The following TSEN15 variants were observed in gnomAD, a reference collection of about 807,000 sequenced individuals.
TSEN15 encodes tRNA-splicing endonuclease subunit Sen15.
TSEN15 carries 10 observed loss-of-function variants against 20.5 expected under a neutral mutation model. That is an observed-to-expected ratio of 0.49 (90% CI 0.30 to 0.83). The LOEUF is 0.83. TSEN15 is among the 40% of genes least tolerant of loss of function. The pLI, the probability that TSEN15 is intolerant of heterozygous loss-of-function variation, is 0.06. For missense variants in TSEN15, 180 were observed against 218.6 expected, an observed-to-expected ratio of 0.82 and a Z score of 1.11; for synonymous variants, 72 against 80.1, an observed-to-expected ratio of 0.90 and a Z score of 0.54.
At position 184,054,407 on chromosome 1, in the gene TSEN15, G is replaced by C; in HGVS notation, c.189G>C (p.Ala63=). 6.2e-7 allele frequency: 1 copy of C among 1,610,302 alleles called. No individual in the cohort carries two copies. ...DIGDATQVYV[A]FLVYLDLMES... is the part of the protein sequence containing the mutation. ...GAGATGCCACCCAAGTTTATGTAGC[G>C]TTCTTGGTTTACCTGGACCTCATGG... The change falls in exon 2 of 5, where the codon GCG becomes GCC. Residue 63 remains alanine (A), a synonymous_variant. Transcript: ENST00000645668.
downstream of TSEN15, among the ~76,000 whole-genome samples, chr1:184,074,884 G>A (rs920834962): frequency 4.6e-5 from 7 of 152,006 alleles, no homozygotes; most frequent in Non-Finnish European, 8.8e-5. Context: ...AGGACATGAA[G>A]ATGGACCTAT....
rs1650969594 is a variant in TSEN15, at chr1:184,073,409, A to G, written c.*562A>G. ...TTGGTTAACTTTAAATCAAAACTCA[A>G]AATATGTTCATCCAGAGTGTGTCTT... On this transcript the variant is annotated 3_prime_UTR_variant, in exon 5 of 5. Transcript: ENST00000645668. 1 of 152,580 alleles carries G rather than the reference A, an allele frequency of 6.6e-6. No homozygotes were observed. Among genetic ancestry groups the G allele is most frequent in the African/African-American group, 2.4e-5 (1 of 41,442 alleles). 9.5% of individuals were successfully genotyped at this position (152,580 alleles called of 1,614,324 possible). A position where few individuals can be genotyped will look rare whatever the true frequency, so the allele number is the denominator to read the frequency against.
intron 1 of TSEN15, among the ~76,000 whole-genome samples, chr1:184,053,842 AC>A (rs1432513516): frequency 6.6e-6 from 1 of 152,242 alleles, no homozygotes; most frequent in African/African-American, 2.4e-5. Context: ...CTAGGGAAAT[AC>A]ACAGTACCCA....
rs148909772 is a variant in TSEN15, at chr1:184,064,665, C to T, written c.354-7492C>T. 3.1e-3 allele frequency among the ~76,000 whole-genome samples: 470 copies of T among 152,242 alleles called. 2 individuals are homozygous for T. Among genetic ancestry groups the T allele is most frequent in the African/African-American group, 7.4e-3 (306 of 41,548 alleles). ...AGTTAAATCAAGAGTTTTGCCACTACAAAATCTGTAGGAAATCCTGAAACA... is the reference window on the plus strand; with the variant it reads ...AGTTAAATCAAGAGTTTTGCCACTATAAAATCTGTAGGAAATCCTGAAACA... On this transcript the variant is annotated intron_variant, in intron 3 of 4. Coordinates refer to ENST00000645668, the MANE Select transcript of TSEN15 (RefSeq NM_052965.4).
At position 184,082,885 on chromosome 1, in the gene TSEN15, C is replaced by A. The variant is rs112351654; in HGVS notation, c.354-12805C>A. ...TTCCTGAGGCAGTGTGCCAAGAAAG[C>A]CTGTATGGGAAAAAGTTCACAGGGA... On this transcript the variant is annotated intron_variant, in intron 3 of 3. Transcript: ENST00000643231. 9.7e-3 allele frequency among the ~76,000 whole-genome samples: 1,478 copies of A among 152,044 alleles called. 15 individuals are homozygous for A. The highest frequency in any genetic ancestry group is 0.015 in the Non-Finnish European group (1,017 of 67,952).
At chr1:184,068,779 T>C (rs1235128791) in intron 3 of TSEN15, among the ~76,000 whole-genome samples, 1 of 152,208 alleles carries the variant, frequency 6.6e-6, no homozygotes, top group East Asian at 1.9e-4. Context: ...TTATGGCATG[T>C]CATTCCATTA....
chr1:184,064,895 A>T (rs1650590093), intron 3 of TSEN15, among the ~76,000 whole-genome samples: 9 of 152,102 alleles, frequency 5.9e-5, no homozygotes, highest in Admixed American at 5.9e-4. Flanking sequence ...CTCACTCCCT[A>T]AGCGGCCTTA....
chr1:184,064,089 C>A (rs1650560492), intron 3 of TSEN15, among the ~76,000 whole-genome samples: 1 of 151,856 alleles, frequency 6.6e-6, no homozygotes. Context: ...ACTTTGCCTA[C>A]AAGATGCTAA....
rs61739880 is a variant in TSEN15, at chr1:184,051,784, C to T, written c.29C>T (p.Thr10Ile). 3.4e-5 allele frequency: 52 copies of T among 1,516,198 alleles called. No homozygotes were observed. In the African/African-American group the frequency reaches 5.1e-4, roughly 15 times the overall value. The allele number at this position is 1,516,198 out of a possible 1,614,324, so 93.9% of individuals were successfully genotyped here. Reference sequence around the variant, plus strand: ...GAGGAGCGCGGCGATTCCGAGCCGACCCCCGGCTGCAGCGGCCTGGGTCCG... The same window carrying T: ...GAGGAGCGCGGCGATTCCGAGCCGATCCCCGGCTGCAGCGGCCTGGGTCCG... MEERGDSEP[T>I]PGCSGLGPGG... Residue 10 changes from threonine to isoleucine, a missense_variant, in exon 1 of 5, where the codon ACC becomes ATC. This residue lies in a region of TSEN15 where 76 missense variants were observed against 66.5 expected (regional missense o/e 1.14). Transcript: ENST00000645668.
chr1:184,095,037 A>G (rs986265333), intron 3 of TSEN15: 25 of 398,490 alleles, frequency 6.3e-5, no homozygotes, highest in Non-Finnish European at 2.7e-5. Flanking sequence ...CCAGATCAGG[A>G]CCTGGAAGGG....
At chr1:184,088,622 T>C (rs965619892) in intron 3 of TSEN15, among the ~76,000 whole-genome samples, 3 of 151,996 alleles carry the variant, frequency 2.0e-5, no homozygotes, top group African/African-American at 4.8e-5. Context: ...TTTCACCATA[T>C]TGACCAGGCT....
chr1:184,067,954 A>G (rs1018887436), intron 3 of TSEN15, among the ~76,000 whole-genome samples: 1 of 142,184 alleles, frequency 7.0e-6, no homozygotes, highest in Non-Finnish European at 1.5e-5. Context: ...ATATATATAT[A>G]TATATATATA....
downstream of TSEN15, among the ~76,000 whole-genome samples, chr1:184,077,310 T>C (rs1651082400): frequency 6.6e-6 from 1 of 152,156 alleles, no homozygotes; most frequent in Non-Finnish European, 1.5e-5. Context: ...CACATCTGTT[T>C]ACAGCATGGT....
intron 3 of TSEN15, among the ~76,000 whole-genome samples, chr1:184,087,128 A>G (rs925894194): frequency 6.6e-6 from 1 of 152,244 alleles, no homozygotes; most frequent in African/African-American, 2.4e-5. Flanking sequence ...GAAAACATCT[A>G]GAACATAATG....
At chr1:184,061,108 T>G (rs1650441078) in intron 3 of TSEN15, among the ~76,000 whole-genome samples, 1 of 152,198 alleles carries the variant, frequency 6.6e-6, no homozygotes, top group Non-Finnish European at 1.5e-5. Flanking sequence ...CTTTTGACTC[T>G]CACTCAAGAA....
chr1:184,068,008 C>T (rs571841295), intron 3 of TSEN15, among the ~76,000 whole-genome samples: 1 of 144,942 alleles, frequency 6.9e-6, no homozygotes, highest in Non-Finnish European at 1.5e-5. Context: ...CATCCACTTG[C>T]AGGATTTATC....
chr1:184,051,962 C>T, intron 1 of TSEN15, 72 bp downstream of exon 1: 3 of 1,326,896 alleles, frequency 2.3e-6, no homozygotes, highest in African/African-American at 1.5e-5. Flanking sequence ...AGGCAGCTCT[C>T]TTTCTTTCTT....
chr1:184,067,941 A>AAAAAATATATATATATATAT (rs1400681024), intron 3 of TSEN15, among the ~76,000 whole-genome samples: 1 of 95,602 alleles, frequency 1.0e-5, no homozygotes, highest in African/African-American at 4.2e-5. Flanking sequence ...AAAAAAAAAA[A>AAAAAATATATATATATATAT]ATATATATAT....
intron 3 of TSEN15, among the ~76,000 whole-genome samples, chr1:184,065,244 T>A (rs1298188263): frequency 2.0e-5 from 3 of 152,038 alleles, no homozygotes; most frequent in African/African-American, 7.2e-5. Context: ...CAGAAAAAAT[T>A]GAGCAGATAG....
Sources: gnomAD v4.1 joint callset for allele counts (sites outside exome capture counted in the v4.1 genomes callset) on GRCh38, gnomAD v4.1.1 for gene constraint, gnomAD v4.1.1 regional missense constraint, MANE v1.5 for transcripts, NCBI Gene and HGNC (gene_info 2026-07-23, HGNC 2026-07-21) for gene names.